Variants in PITPNM3 observed in about 807,000 individuals in gnomAD.
PITPNM3 encodes the protein membrane-associated phosphatidylinositol transfer protein 3.
In PITPNM3, 26 loss-of-function variants were observed where a neutral mutation model predicts 102.0. The observed-to-expected ratio is 0.25, with a 90% CI of 0.19 to 0.35. The LOEUF is 0.35. PITPNM3 is among the 10% of genes least tolerant of loss of function. PITPNM3 has a pLI of 1.00. For missense variants in PITPNM3, 1,083 were observed against 1,346.1 expected (o/e 0.80, Z 3.06); for synonymous variants, 578 against 558.6 (o/e 1.03, Z -0.49).
intron 9 of PITPNM3, 55 bp from the exon 10 acceptor site, chr17:6,474,659 G>C (rs1017681305): frequency 6.6e-7 from 1 of 1,523,208 alleles, no homozygotes; most frequent in Non-Finnish European, 8.8e-7. Flanking sequence ...CCGAGAATGC[G>C]GGAGTGTTCA....
At chr17:6,525,588 A>G (rs1378521877) in intron 2 of PITPNM3, 125 bp from the exon 3 acceptor site, 1 of 739,552 alleles carries the variant, frequency 1.4e-6, no homozygotes, top group East Asian at 2.6e-5. Context: ...GTACACCTCA[A>G]CTCTTGAAGG....
intron 1 of PITPNM3, among the ~76,000 whole-genome samples, chr17:6,548,512 GA>G (rs1567698239): frequency 1.3e-5 from 2 of 152,136 alleles, no homozygotes; most frequent in African/African-American, 4.8e-5. Context: ...AAGGGGAAGA[GA>G]AGGAACCCAC....
intron 1 of PITPNM3, among the ~76,000 whole-genome samples, chr17:6,544,625 G>C (rs944025313): frequency 2.1e-4 from 29 of 137,308 alleles, no homozygotes; most frequent in Admixed American, 6.7e-4. Context: ...TTTGAATGGT[G>C]TCTCTCTCTC....
rs1913910412 is a variant in PITPNM3 at position 6,452,961 on chromosome 17, TCTCTCTCTCTCTCTTC to T, written c.*2361_*2376del. On this transcript the variant is annotated 3_prime_UTR_variant, in exon 20 of 20. Transcript: ENST00000262483. The stretch of plus-strand genomic sequence containing the variant: ...CTCATGAGCTCTCTCTCTCTCTTCC[TCTCTCTCTCTCTCTTC>T]CTCTCTCTCTCTCTCTGTCTTCCTT... The T allele has an allele frequency of 6.8e-6, 1 of 146,098 alleles. No individual in the cohort carries two copies. Among genetic ancestry groups the T allele is most frequent in the Non-Finnish European group, 1.5e-5 (1 of 67,062 alleles). The allele number at this position is 146,098 out of a possible 1,614,324, so 9.1% of individuals were successfully genotyped here.
intron 4 of PITPNM3, among the ~76,000 whole-genome samples, chr17:6,490,679 G>A (rs1194659460): frequency 6.6e-6 from 1 of 151,958 alleles, no homozygotes; most frequent in South Asian, 2.1e-4. Flanking sequence ...AGTGGGGCCG[G>A]GCGCAGTGGC....
At chr17:6,512,688 CA>C (rs1161431502) in intron 3 of PITPNM3, among the ~76,000 whole-genome samples, 12 of 152,078 alleles carry the variant, frequency 7.9e-5, no homozygotes, top group Non-Finnish European at 4.4e-5. Flanking sequence ...AAACCAGAGT[CA>C]GGGGGTGAAT....
chr17:6,502,771 C>T (rs1742288330), intron 4 of PITPNM3, among the ~76,000 whole-genome samples: 1 of 152,190 alleles, frequency 6.6e-6, no homozygotes, highest in Admixed American at 6.5e-5. Flanking sequence ...TCAATACTGC[C>T]AACAGCAAAG....
chr17:6,516,147 G>T (rs2150628824), intron 3 of PITPNM3, among the ~76,000 whole-genome samples: 1 of 152,318 alleles, frequency 6.6e-6, no homozygotes, highest in Non-Finnish European at 1.5e-5. Flanking sequence ...AATGGAGACT[G>T]ATGAAGAGAA....
intron 2 of PITPNM3, among the ~76,000 whole-genome samples, chr17:6,531,221 TAC>T (rs1909127861): frequency 6.6e-6 from 1 of 152,236 alleles, no homozygotes; most frequent in South Asian, 2.1e-4. Context: ...AATGAAGACA[TAC>T]ATTTTGCTAT....
At position 6,459,793 on chromosome 17, in the gene PITPNM3, C is replaced by T. The variant is rs562117716; in HGVS notation, c.2490+1580G>A. Among the ~76,000 whole-genome samples the T allele has an allele frequency of 4.6e-5, 7 of 152,270 alleles. No individual in the cohort carries two copies. Among genetic ancestry groups the T allele is most frequent in the East Asian group, 1.9e-4 (1 of 5,174 alleles). ...CTGGATCCCTCCTGGTCACCCAGCA[C>T]GGGCATCTTAGAACTCCTCGCTCCC... is the stretch of plus-strand genomic sequence containing the variant. On this transcript the variant is annotated intron_variant, in intron 18 of 19. Coordinates refer to ENST00000262483, the MANE Select transcript of PITPNM3 (RefSeq NM_031220.4). This position sits in a 1 kb window ranked among gnomAD's most constrained non-coding sequence, Gnocchi z 5.0.
At position 6,477,048 on chromosome 17, in the gene PITPNM3, G is replaced by A. The variant is rs768291657; in HGVS notation, c.1066C>T (p.His356Tyr). The A allele has an allele frequency of 6.2e-7, 1 of 1,614,194 alleles. No individual in the cohort carries two copies. Among genetic ancestry groups the A allele is most frequent in the South Asian group, 1.1e-5 (1 of 91,076 alleles). The change falls in exon 9 of 20, where the codon CAC (histidine) becomes TAC (tyrosine). Residue 356 changes from histidine (H) to tyrosine (Y), a missense_variant. His to Tyr is a moderately conservative substitution (Grantham distance 83, BLOSUM62 2). Coordinates refer to ENST00000262483, the MANE Select transcript of PITPNM3 (RefSeq NM_031220.4). Reference protein sequence around the residue: ...STYDCEAITQHHAFLSSIHSS... With the variant: ...STYDCEAITQYHAFLSSIHSS... ...GGCTACCTTGAGAGGAAGGCATGGTGCTGGGTGATGGCCTCGCAGTCATAG... is the reference window on the plus strand; with the variant it reads ...GGCTACCTTGAGAGGAAGGCATGGTACTGGGTGATGGCCTCGCAGTCATAG...
At chr17:6,504,325 ATGCCTGCCTCTCACAACCCCG>A (rs1369156013) in intron 3 of PITPNM3, among the ~76,000 whole-genome samples, 1 of 151,664 alleles carries the variant, frequency 6.6e-6, no homozygotes, top group Non-Finnish European at 1.5e-5. Flanking sequence ...TCCTGACCCC[ATGCCTGCCTCTCACAACCCCG>A]TGCCTGCCTC....
chr17:6,510,161 A>G (rs1907789673), intron 3 of PITPNM3, among the ~76,000 whole-genome samples: 1 of 152,176 alleles, frequency 6.6e-6, no homozygotes, highest in South Asian at 2.1e-4. Context: ...TCCTGGGCTA[A>G]ATTCCGCTTA....
At chr17:6,503,457 G>A in intron 4 of PITPNM3, 70 bp downstream of exon 4, 3 of 1,527,296 alleles carry the variant, frequency 2.0e-6, no homozygotes, top group Non-Finnish European at 2.7e-6. Context: ...GATGAGAGGG[G>A]ACCCAGGCTC....
chr17:6,528,493 CAT>C (rs1194022109), intron 2 of PITPNM3, among the ~76,000 whole-genome samples: 3 of 151,958 alleles, frequency 2.0e-5, no homozygotes, highest in Non-Finnish European at 2.9e-5. Flanking sequence ...TGTGTGCATG[CAT>C]GTGTGAGTGC....
intron 14 of PITPNM3, among the ~76,000 whole-genome samples, chr17:6,465,751 G>A (rs541203166): frequency 2.0e-5 from 3 of 152,262 alleles, no homozygotes; most frequent in South Asian, 4.1e-4. Context: ...TCAATGAACT[G>A]GTTTCAGTTC....
At chr17:6,545,268 T>TA (rs1373433665) in intron 1 of PITPNM3, among the ~76,000 whole-genome samples, 8 of 152,358 alleles carry the variant, frequency 5.3e-5, no homozygotes, top group Non-Finnish European at 1.2e-4. Flanking sequence ...ATCAGTGCTA[T>TA]AAAAGGGCGT....
intron 2 of PITPNM3, among the ~76,000 whole-genome samples, chr17:6,527,198 T>G (rs769847635): frequency 3.9e-5 from 6 of 152,200 alleles, no homozygotes; most frequent in Non-Finnish European, 8.8e-5. Context: ...CAAGTCAAGG[T>G]GCTGTAAACA....
At chr17:6,474,288 C>T in intron 10 of PITPNM3, 144 bp downstream of exon 10, 2 of 1,186,684 alleles carry the variant, frequency 1.7e-6, no homozygotes, top group East Asian at 2.6e-5. Flanking sequence ...CTCTTCCCCA[C>T]CCTCTCTCCT....
Sources: gnomAD v4.1 joint callset for allele counts (sites outside exome capture counted in the v4.1 genomes callset) on GRCh38, gnomAD v4.1.1 for gene constraint, Gnocchi (gnomAD v3.1) non-coding constraint, MANE v1.5 for transcripts, NCBI Gene and HGNC (gene_info 2026-07-23, HGNC 2026-07-21) for gene names.